Variants in MICOS10 observed in about 807,000 individuals in gnomAD.
MICOS10 encodes mitochondrial contact site and cristae organizing system subunit 10.
In MICOS10, 5 loss-of-function variants were observed where a neutral mutation model predicts 13.4. The ratio of observed to expected loss-of-function variants is 0.37; its 90% CI spans 0.20 to 0.78. MICOS10 has a LOEUF of 0.78. MICOS10 is among the 30% of genes least tolerant of loss of function. The pLI is 0.47. For missense variants in MICOS10, 101 were observed against 94.6 expected (o/e 1.07, Z -0.28); for synonymous variants, 35 against 33.6 (o/e 1.04, Z -0.15).
chr1:19,597,795 C>G (rs141780569), intron 1 of MICOS10: 1 of 152,210 alleles, frequency 6.6e-6, no homozygotes, highest in East Asian at 1.9e-4. Flanking sequence ...GTTTATTGAG[C>G]GTATATTGTC....
chr1:19,610,852 T>G (rs1484719672), intron 1 of MICOS10, among the ~76,000 whole-genome samples: 1 of 152,212 alleles, frequency 6.6e-6, no homozygotes, highest in African/African-American at 2.4e-5. Context: ...AATTCACTTT[T>G]TACTAGGAAG....
intron 3 of MICOS10, among the ~76,000 whole-genome samples, chr1:19,624,685 G>C (rs2094916301): frequency 6.6e-6 from 1 of 152,166 alleles, no homozygotes; most frequent in Non-Finnish European, 1.5e-5. Flanking sequence ...TTCGTGTGTA[G>C]CAGTATTTTC....
rs2094930677 is a variant in MICOS10, at chr1:19,629,047, G to A, written c.*2646G>A. 6.6e-6 allele frequency: 1 copy of A among 152,262 alleles called. No individual in the cohort carries two copies. Among genetic ancestry groups the A allele is most frequent in the African/African-American group, 2.4e-5 (1 of 41,444 alleles). The allele number at this position is 152,262 out of a possible 1,614,324, so 9.4% of individuals were successfully genotyped here. On this transcript the variant is annotated 3_prime_UTR_variant, in exon 4 of 4. Coordinates refer to ENST00000322753, the MANE Select transcript of MICOS10 (RefSeq NM_001032363.4). ...GATAGCTTTGTATTCCCGCCTTGTT[G>A]CCCTTAGCGGAGGCTGGCCCAAAGC...
chr1:19,596,992 G>T lies in MICOS10; in HGVS notation c.-54G>T. The stretch of plus-strand genomic sequence containing the variant: ...TTTCCAGCTCTCGCGAGACTTTCAG[G>T]GGTCGGAGCGCGGGGGCCGGCCGAG... On this transcript the variant is annotated 5_prime_UTR_variant, in exon 1 of 4. Coordinates refer to ENST00000322753, the MANE Select transcript of MICOS10 (RefSeq NM_001032363.4). 6.5e-7 allele frequency: 1 copy of T among 1,540,746 alleles called. No individual in the cohort carries two copies. Among genetic ancestry groups the T allele is most frequent in the Non-Finnish European group, 8.7e-7 (1 of 1,143,820 alleles).
chr1:19,608,466 C>A, intron 1 of MICOS10: 1 of 1,259,874 alleles, frequency 7.9e-7, no homozygotes, highest in Non-Finnish European at 1.2e-6. Flanking sequence ...GCCCTCAGAG[C>A]CCTTGCCTGC....
chr1:19,600,413 T>G (rs1227704132), intron 1 of MICOS10, among the ~76,000 whole-genome samples: 1 of 152,132 alleles, frequency 6.6e-6, no homozygotes, highest in Non-Finnish European at 1.5e-5. Context: ...GCTTCCTGTT[T>G]TCTCTGGGTA....
At chr1:19,603,845 G>A (rs2094825179) in intron 1 of MICOS10, among the ~76,000 whole-genome samples, 1 of 152,192 alleles carries the variant, frequency 6.6e-6, no homozygotes. Flanking sequence ...TGAAGGCAGG[G>A]AGGAGATGTC....
At chr1:19,603,871 G>T (rs772089482) in intron 1 of MICOS10, among the ~76,000 whole-genome samples, 8 of 152,168 alleles carry the variant, frequency 5.3e-5, no homozygotes, top group Non-Finnish European at 1.2e-4. Flanking sequence ...GGAGGGAGAG[G>T]TCCCAAAGCT....
chr1:19,617,056 G>A (rs2094886859), intron 1 of MICOS10, among the ~76,000 whole-genome samples: 1 of 152,070 alleles, frequency 6.6e-6, no homozygotes, highest in Admixed American at 6.6e-5. Context: ...CTCCAGCTAT[G>A]TTTCTTGTTT....
intron 1 of MICOS10, chr1:19,608,022 C>T (rs1037567311): frequency 6.1e-5 from 40 of 653,056 alleles, no homozygotes; most frequent in East Asian, 1.8e-4. Flanking sequence ...AAATGAGCCT[C>T]GCTTAAAAGG....
intron 1 of MICOS10, among the ~76,000 whole-genome samples, chr1:19,612,029 G>GT (rs1356511596): frequency 1.3e-5 from 2 of 149,878 alleles, no homozygotes; most frequent in African/African-American, 5.0e-5. Flanking sequence ...AAATTCTTAG[G>GT]TTTTTTAATT....
At chr1:19,624,776 A>C (rs531834446) in intron 3 of MICOS10, among the ~76,000 whole-genome samples, 31 of 151,442 alleles carry the variant, frequency 2.0e-4, no homozygotes, top group African/African-American at 7.1e-4. Context: ...GGTGGCACTT[A>C]TTTTGTATTC....
At chr1:19,605,827 T>A (rs1270953286) in intron 1 of MICOS10, among the ~76,000 whole-genome samples, 2 of 152,204 alleles carry the variant, frequency 1.3e-5, no homozygotes, top group Non-Finnish European at 2.9e-5. Flanking sequence ...TAGCTTGGAT[T>A]ACAGGTGCAT....
intron 3 of MICOS10, among the ~76,000 whole-genome samples, chr1:19,624,088 C>A (rs1307267217): frequency 1.3e-5 from 2 of 152,180 alleles, no homozygotes; most frequent in Admixed American, 6.5e-5. Context: ...TCAAGTGATT[C>A]TCCTGCCTCA....
At chr1:19,625,057 C>T (rs1408022476) in intron 3 of MICOS10, among the ~76,000 whole-genome samples, 3 of 152,204 alleles carry the variant, frequency 2.0e-5, no homozygotes, top group Non-Finnish European at 4.4e-5. Flanking sequence ...AAGCCTGTCA[C>T]TTGCTTCCTG....
intron 1 of MICOS10, among the ~76,000 whole-genome samples, chr1:19,599,714 G>A (rs12057812): frequency 0.12 from 18,907 of 152,136 alleles, 1,282 homozygotes; most frequent in African/African-American, 0.17. Context: ...AAATCGAAGC[G>A]CAGAGAGGTT....
chr1:19,614,908 C>T (rs2094877884), intron 1 of MICOS10, among the ~76,000 whole-genome samples: 2 of 152,186 alleles, frequency 1.3e-5, no homozygotes. Flanking sequence ...CTCCTCAGTT[C>T]CCTGCACAGC....
chr1:19,615,980 G>A (rs952168143), intron 1 of MICOS10, among the ~76,000 whole-genome samples: 8 of 151,896 alleles, frequency 5.3e-5, no homozygotes, highest in East Asian at 1.9e-4. Context: ...TGCAGTTGGC[G>A]TGATCTTCGT....
At position 19,629,037 on chromosome 1, in the gene MICOS10, C is replaced by CCAGG. The variant is rs1236105893; in HGVS notation, c.*2637_*2638insAGGC. ...TTTAGTTCTAGATAGCTTTGTATTC[C>CCAGG]CGCCTTGTTGCCCTTAGCGGAGGCT... On this transcript the variant is annotated 3_prime_UTR_variant, in exon 4 of 4. Coordinates refer to ENST00000322753, the MANE Select transcript of MICOS10 (RefSeq NM_001032363.4). 6.6e-6 allele frequency: 1 copy of CCAGG among 152,270 alleles called. No individual in the cohort carries two copies. The highest frequency in any genetic ancestry group is 1.5e-5 in the Non-Finnish European group (1 of 68,094). The allele number at this position is 152,270 out of a possible 1,614,324, so 9.4% of individuals were successfully genotyped here.
Sources: gnomAD v4.1 joint callset for allele counts (sites outside exome capture counted in the v4.1 genomes callset) on GRCh38, gnomAD v4.1.1 for gene constraint, MANE v1.5 for transcripts, NCBI Gene and HGNC (gene_info 2026-07-23, HGNC 2026-07-21) for gene names.